CNGA3: variants seen among roughly 807,000 people sequenced by gnomAD.
The protein encoded by CNGA3 is cyclic nucleotide-gated channel alpha-3.
Under a neutral mutation model 46.6 loss-of-function variants are expected in CNGA3, and 42 were observed. The ratio of observed to expected loss-of-function variants is 0.90; its 90% CI spans 0.70 to 1.17. CNGA3 has a LOEUF of 1.17. Ranked by LOEUF, CNGA3 falls within the 50% of genes most tolerant of loss-of-function variation. CNGA3 has a pLI of 0.00. For missense variants in CNGA3, 893 were observed against 890.7 expected, an observed-to-expected ratio of 1.00 and a Z score of -0.03; for synonymous variants, 394 against 369.4, an observed-to-expected ratio of 1.07 and a Z score of -0.76.
chr2:98,346,620 A>T, intron 1 of CNGA3, 86 bp downstream of exon 1: 3 of 395,994 alleles, frequency 7.6e-6, no homozygotes, highest in Non-Finnish European at 8.9e-6. Context: ...TACAGGAGGT[A>T]AGTTAGAGAA....
At chr2:98,354,812 C>A (rs1366019052) in intron 1 of CNGA3, among the ~76,000 whole-genome samples, 1 of 152,132 alleles carries the variant, frequency 6.6e-6, no homozygotes, top group Non-Finnish European at 1.5e-5. Context: ...AAAATAGTTT[C>A]TCCCATTCTT....
chr2:98,376,461 A>G (rs189774973), intron 2 of CNGA3, among the ~76,000 whole-genome samples: 43 of 152,214 alleles, frequency 2.8e-4, no homozygotes, highest in Middle Eastern at 3.4e-3. Flanking sequence ...AACAGCCTCA[A>G]TGTGGGGAGG....
chr2:98,391,926 C>G lies in CNGA3; in HGVS notation c.629C>G (p.Ala210Gly). 1.2e-6 allele frequency: 2 copies of G among 1,614,140 alleles called. No individual in the cohort carries two copies. Among genetic ancestry groups the G allele is most frequent in the Non-Finnish European group, 1.7e-6 (2 of 1,180,012 alleles). The change falls in exon 7 of 8, where the codon GCA becomes GGA. Residue 210 changes from alanine to glycine, a missense_variant. This residue lies in a region of CNGA3 where 333 missense variants were observed against 290.8 expected (regional missense o/e 1.15). Transcript: ENST00000272602. ...CTGTGGCTGGTCCTGGACTACTCGG[C>G]AGATGTCCTGTATGTCTTGGATGTG... ...LMLWLVLDYS[A>G]DVLYVLDVLV...
At chr2:98,356,697 G>A (rs1476757005) in intron 1 of CNGA3, among the ~76,000 whole-genome samples, 1 of 152,138 alleles carries the variant, frequency 6.6e-6, no homozygotes, top group Admixed American at 6.6e-5. Context: ...AATTGCACCA[G>A]GATTAGTTTT....
chr2:98,374,879 T>C (rs1692369688), intron 2 of CNGA3, among the ~76,000 whole-genome samples: 1 of 152,266 alleles, frequency 6.6e-6, no homozygotes, highest in African/African-American at 2.4e-5. Flanking sequence ...GATCTCCCTG[T>C]TCTTCACGGC....
chr2:98,353,927 C>G (rs1691822781), intron 1 of CNGA3, among the ~76,000 whole-genome samples: 1 of 152,174 alleles, frequency 6.6e-6, no homozygotes, highest in South Asian at 2.1e-4. Context: ...AACTCACTCA[C>G]TGTCATCAGA....
chr2:98,378,116 G>A, intron 3 of CNGA3: 2 of 1,550,884 alleles, frequency 1.3e-6, no homozygotes, highest in Non-Finnish European at 1.7e-6. Flanking sequence ...AGCCAGCCGT[G>A]GGAGACCTTT....
chr2:98,374,887 G>A (rs1419837887), intron 2 of CNGA3, among the ~76,000 whole-genome samples: 3 of 152,212 alleles, frequency 2.0e-5, no homozygotes, highest in African/African-American at 4.8e-5. Flanking sequence ...TGTTCTTCAC[G>A]GCCAGTTGTG....
At chr2:98,350,879 G>C (rs1691755253) in intron 1 of CNGA3, 1 of 152,132 alleles carries the variant, frequency 6.6e-6, no homozygotes, top group African/African-American at 2.4e-5. Flanking sequence ...CTACCTTCCT[G>C]TCATGAGAAA....
At chr2:98,390,651 G>A (rs1188469121) in intron 6 of CNGA3, among the ~76,000 whole-genome samples, 1 of 152,100 alleles carries the variant, frequency 6.6e-6, no homozygotes, top group Non-Finnish European at 1.5e-5. Flanking sequence ...TGCTGCTTGT[G>A]GGGGCTGGCG....
chr2:98,362,173 C>CTTTTT (rs1231791527), intron 1 of CNGA3, among the ~76,000 whole-genome samples: 14 of 89,832 alleles, frequency 1.6e-4, no homozygotes, highest in Non-Finnish European at 2.7e-4. Flanking sequence ...CCTTTGCCCA[C>CTTTTT]TTTTTTTTTT....
chr2:98,395,791 G>A (rs902017053), intron 7 of CNGA3, 53 bp from the exon 8 acceptor site: 2 of 1,491,714 alleles, frequency 1.3e-6, no homozygotes, highest in East Asian at 2.3e-5. Context: ...TTGTACTATG[G>A]TCAAAAAAAG....
At position 98,396,534 on chromosome 2, in the gene CNGA3, AG is replaced by A. The variant is rs2104248068; in HGVS notation, c.1366del (p.Val456CysfsTer9). On this transcript the variant is annotated frameshift_variant, in exon 8 of 8. Transcript: ENST00000272602. LOFTEE classifies it high-confidence loss of function. Reference protein sequence around the residue: ...WANKKTVDEKEVLKSLPDKLK... With the variant: ...WANKKTVDEKXVLKSLPDKLK... Reference sequence around the variant, plus strand: ...AACAAGAAGACGGTGGATGAGAAGGAGGTGCTCAAGAGCCTCCCAGACAAGC... The same window carrying A: ...AACAAGAAGACGGTGGATGAGAAGGAGTGCTCAAGAGCCTCCCAGACAAGC... 1 of 1,614,002 alleles carries A rather than the reference AG, an allele frequency of 6.2e-7. No homozygotes were observed. Among genetic ancestry groups the A allele is most frequent in the Non-Finnish European group, 8.5e-7 (1 of 1,180,012 alleles).
intron 7 of CNGA3, among the ~76,000 whole-genome samples, chr2:98,392,577 A>G (rs1316390778): frequency 6.6e-6 from 1 of 150,844 alleles, no homozygotes; most frequent in Non-Finnish European, 1.5e-5. Flanking sequence ...AGAAAAAAAA[A>G]AGAAAAGAAA....
At chr2:98,395,412 C>A (rs932159396) in intron 7 of CNGA3, among the ~76,000 whole-genome samples, 1 of 152,144 alleles carries the variant, frequency 6.6e-6, no homozygotes, top group Admixed American at 6.5e-5. Flanking sequence ...TCAGGTGATC[C>A]ACCCGCCTCG....
intron 1 of CNGA3, among the ~76,000 whole-genome samples, chr2:98,360,452 C>T (rs764795802): frequency 6.6e-6 from 1 of 152,252 alleles, no homozygotes; most frequent in East Asian, 1.9e-4. Context: ...AAGAGTAATT[C>T]GATAGTTTTT....
intron 4 of CNGA3, among the ~76,000 whole-genome samples, chr2:98,380,634 C>A (rs180690098): frequency 5.9e-4 from 90 of 152,246 alleles, no homozygotes; most frequent in African/African-American, 2.1e-3. Flanking sequence ...CTGTTAGGGT[C>A]CCCTGGAAAT....
At position 98,377,951 on chromosome 2, in the gene CNGA3, T is replaced by C. The variant is rs937725; in HGVS notation, c.215+151T>C. ...AGCAGAGCAGCCTGAAAACTATCAGTGAGTAATTTCCTCTTGGGTCAGATG... is the reference window on the plus strand; with the variant it reads ...AGCAGAGCAGCCTGAAAACTATCAGCGAGTAATTTCCTCTTGGGTCAGATG... On this transcript the variant is annotated intron_variant, in intron 3 of 7. Coordinates refer to ENST00000272602, the MANE Select transcript of CNGA3 (RefSeq NM_001298.3). 0.67 allele frequency: 893,489 copies of C among 1,336,320 alleles called. 302,994 individuals are homozygous for C. Among genetic ancestry groups the C allele is most frequent in the African/African-American group, 0.78 (52,801 of 67,964 alleles). The allele number at this position is 1,336,320 out of a possible 1,614,324, so 82.8% of individuals were successfully genotyped here. A position where few individuals can be genotyped will look rare whatever the true frequency, so the allele number is the denominator to read the frequency against.
chr2:98,372,929 T>G (rs1158810932), intron 2 of CNGA3, among the ~76,000 whole-genome samples: 1 of 152,132 alleles, frequency 6.6e-6, no homozygotes, highest in Non-Finnish European at 1.5e-5. Flanking sequence ...CTTCACATGG[T>G]AAATTGACAG....
Sources: gnomAD v4.1 joint callset for allele counts (sites outside exome capture counted in the v4.1 genomes callset) on GRCh38, gnomAD v4.1.1 for gene constraint, gnomAD v4.1.1 regional missense constraint, MANE v1.5 for transcripts, NCBI Gene and HGNC (gene_info 2026-07-23, HGNC 2026-07-21) for gene names.